The following PIK3C2G variants were observed in gnomAD, a reference collection of about 807,000 sequenced individuals.
PIK3C2G encodes the protein phosphatidylinositol 3-kinase C2 domain-containing subunit gamma.
A neutral mutation model predicts 181.1 loss-of-function variants in PIK3C2G; 168 were observed. The observed-to-expected ratio is 0.93, with a 90% CI of 0.82 to 1.05. The LOEUF is 1.05. PIK3C2G is among the 50% of genes least tolerant of loss of function. The pLI is 0.00. For missense variants in PIK3C2G, 1,869 were observed against 1,732.8 expected, an observed-to-expected ratio of 1.08 and a Z score of -1.40; for synonymous variants, 573 against 592.2, an observed-to-expected ratio of 0.97 and a Z score of 0.47.
At chr12:18,303,106 C>CTT (rs1315571258) in intron 5 of PIK3C2G, among the ~76,000 whole-genome samples, 4 of 87,750 alleles carry the variant, frequency 4.6e-5, no homozygotes, top group Admixed American at 1.3e-4. Context: ...CTTTCTCTTT[C>CTT]TTTCTTTCCT....
chr12:18,372,762 T>G (rs73342913), intron 13 of PIK3C2G: 2 of 152,310 alleles, frequency 1.3e-5, no homozygotes, highest in African/African-American at 4.8e-5. Flanking sequence ...TCTTTAAAAC[T>G]AATCTTCAAG....
At chr12:18,493,665 G>C (rs1195975922) in intron 20 of PIK3C2G, 1 of 152,226 alleles carries the variant, frequency 6.6e-6, no homozygotes, top group East Asian at 1.9e-4. Context: ...GCACCAGAGG[G>C]TTCACACTGG....
intron 3 of PIK3C2G, among the ~76,000 whole-genome samples, chr12:18,288,251 CTA>C (rs1444362409): frequency 1.6e-4 from 24 of 152,152 alleles, no homozygotes; most frequent in African/African-American, 5.5e-4. Flanking sequence ...AATATAATAA[CTA>C]TACATTTTTA....
At chr12:18,523,137 T>C (rs958610337) in intron 24 of PIK3C2G, among the ~76,000 whole-genome samples, 2 of 152,218 alleles carry the variant, frequency 1.3e-5, no homozygotes, top group Non-Finnish European at 2.9e-5. Context: ...TCTTTTGTTT[T>C]CCATATTTCA....
chr12:18,429,740 A>T (rs569157921), intron 18 of PIK3C2G, among the ~76,000 whole-genome samples: 1 of 152,278 alleles, frequency 6.6e-6, no homozygotes, highest in Non-Finnish European at 1.5e-5. Context: ...TAAGGCCATC[A>T]ATATTTTCAC....
chr12:18,486,401 C>T (rs1192011075), intron 18 of PIK3C2G, among the ~76,000 whole-genome samples: 1 of 152,010 alleles, frequency 6.6e-6, no homozygotes, highest in Non-Finnish European at 1.5e-5. Flanking sequence ...CCTCCTTGAA[C>T]CAGAGAGAAG....
chr12:18,454,750 GAATTTTAGAATTCAGAA>G (rs1168310771), intron 18 of PIK3C2G, among the ~76,000 whole-genome samples: 2 of 152,122 alleles, frequency 1.3e-5, no homozygotes, highest in Non-Finnish European at 2.9e-5. Context: ...TTCTACTTCT[GAATTTTAGAATTCAGAA>G]AATTTTAGAA....
rs1481841897 is a variant in PIK3C2G, at chr12:18,538,454, T to C, written c.3480+142T>C. 3 of 627,976 alleles carry C rather than the reference T, an allele frequency of 4.8e-6. No individual in the cohort carries two copies. The East Asian group carries it at 8.4e-5, about 18-fold the overall frequency. The allele number at this position is 627,976 out of a possible 1,614,324, so 38.9% of individuals were successfully genotyped here. ...AATGAGAAAACTAAGAGTACCATTGTACAGCTTATAAACGTATTTCTTAAT... is the reference window on the plus strand; with the variant it reads ...AATGAGAAAACTAAGAGTACCATTGCACAGCTTATAAACGTATTTCTTAAT... On this transcript the variant is annotated intron_variant, in intron 25 of 32. Coordinates refer to ENST00000538779, the MANE Select transcript of PIK3C2G (RefSeq NM_001288772.2).
chr12:18,380,650 C>T (rs1942776938), intron 13 of PIK3C2G, among the ~76,000 whole-genome samples: 1 of 152,148 alleles, frequency 6.6e-6, no homozygotes, highest in Admixed American at 6.5e-5. Context: ...ACAAAGAAGA[C>T]CCAAAATTCA....
intron 31 of PIK3C2G, among the ~76,000 whole-genome samples, chr12:18,613,975 G>C (rs564326708): frequency 1.3e-5 from 2 of 152,156 alleles, no homozygotes; most frequent in South Asian, 4.1e-4. Flanking sequence ...AAAACAACAT[G>C]TTCTGCATAT....
At chr12:18,693,178 G>A in the PIK3C2G span, 1 of 1,549,558 alleles carries the variant, frequency 6.5e-7, no homozygotes, top group South Asian at 1.1e-5. Context: ...CACTACATCA[G>A]CATTCTTTCA....
At chr12:18,534,792 C>A (rs1274231352) in intron 24 of PIK3C2G, among the ~76,000 whole-genome samples, 5 of 133,906 alleles carry the variant, frequency 3.7e-5, no homozygotes, top group Admixed American at 1.6e-4. Context: ...AGTTTTAGAA[C>A]ATCAGGTGAG....
intron 15 of PIK3C2G, among the ~76,000 whole-genome samples, chr12:18,395,611 A>T (rs1334056258): frequency 6.6e-6 from 1 of 150,400 alleles, no homozygotes; most frequent in Non-Finnish European, 1.5e-5. Context: ...ATAAATAAAA[A>T]CAGTTTCATT....
chr12:18,390,263 G>C (rs116838649), intron 14 of PIK3C2G, among the ~76,000 whole-genome samples: 1 of 152,020 alleles, frequency 6.6e-6, no homozygotes, highest in African/African-American at 2.4e-5. Flanking sequence ...CATCTACTTT[G>C]TAAGGTTCCT....
chr12:18,260,851 G>A (rs1357591938), upstream of PIK3C2G, among the ~76,000 whole-genome samples: 1 of 151,868 alleles, frequency 6.6e-6, no homozygotes, highest in Non-Finnish European at 1.5e-5. Flanking sequence ...TTGTCTCAGA[G>A]TCTCCACACA....
chr12:18,628,224 G>A (rs541844380), intron 31 of PIK3C2G, among the ~76,000 whole-genome samples: 16 of 151,960 alleles, frequency 1.1e-4, no homozygotes, highest in African/African-American at 3.9e-4. Context: ...TTATGTAATA[G>A]CTATTATTAT....
chr12:18,718,310 C>A, the PIK3C2G span, among the ~76,000 whole-genome samples: 17 of 152,240 alleles, frequency 1.1e-4, no homozygotes, highest in Admixed American at 1.0e-3. Context: ...ACACCATCTT[C>A]CCAAATCATC....
chr12:18,253,219 G>A (rs1948111777), intron 1 of PIK3C2G, among the ~76,000 whole-genome samples: 2 of 152,108 alleles, frequency 1.3e-5, no homozygotes, highest in Admixed American at 1.3e-4. Flanking sequence ...TGTTGCATCA[G>A]CTTTGTCTCC....
chr12:18,338,471 G>A lies in PIK3C2G; in HGVS notation c.1318G>A (p.Val440Ile). The A allele has an allele frequency of 1.3e-6, 2 of 1,581,148 alleles. No homozygotes were observed. The highest frequency in any genetic ancestry group is 1.1e-5 in the South Asian group (1 of 90,288). The change falls in exon 9 of 33, where the codon GTT (valine) becomes ATT (isoleucine). Residue 440 changes from valine to isoleucine, a missense_variant. Val to Ile is a conservative substitution (Grantham distance 29). Transcript: ENST00000538779. ...IIEEVKKICS[V>I]LGCVETKQIT... ...TGAAGAAGTTAAAAAAATATGCAGTGTTCTAGGGTGTGTGGAAACCAAACA... is the reference window on the plus strand; with the variant it reads ...TGAAGAAGTTAAAAAAATATGCAGTATTCTAGGGTGTGTGGAAACCAAACA...
Sources: gnomAD v4.1 joint callset for allele counts (sites outside exome capture counted in the v4.1 genomes callset) on GRCh38, gnomAD v4.1.1 for gene constraint, MANE v1.5 for transcripts, NCBI Gene and HGNC (gene_info 2026-07-23, HGNC 2026-07-21) for gene names.